The following KCNK2 variants were observed in gnomAD, a reference collection of about 807,000 sequenced individuals.
The protein encoded by KCNK2 is potassium channel subfamily K member 2.
KCNK2 carries 21 observed loss-of-function variants against 40.5 expected under a neutral mutation model. The ratio of observed to expected loss-of-function variants is 0.52; its 90% confidence interval spans 0.37 to 0.75. KCNK2 has a LOEUF of 0.75. Among genes scored for constraint, KCNK2 ranks in the 30% least tolerant of loss-of-function variants. The pLI is 0.00. For missense variants in KCNK2, 399 were observed against 531.6 expected, an observed-to-expected ratio of 0.75 and a Z score of 2.45; for synonymous variants, 191 against 202.2, an observed-to-expected ratio of 0.94 and a Z score of 0.47.
chr1:215,215,058 A>G (rs1315516995), intron 6 of KCNK2, among the ~76,000 whole-genome samples: 1 of 152,196 alleles, frequency 6.6e-6, no homozygotes, highest in African/African-American at 2.4e-5. Flanking sequence ...CTAGTGAGAG[A>G]GAAACCTGGG....
chr1:215,043,264 G>A (rs1299208714), intron 1 of KCNK2, among the ~76,000 whole-genome samples: 1 of 152,100 alleles, frequency 6.6e-6, no homozygotes, highest in Non-Finnish European at 1.5e-5. Flanking sequence ...CTATACATAG[G>A]ATTACCATTG....
At chr1:215,118,496 T>C (rs892529246) in intron 2 of KCNK2, among the ~76,000 whole-genome samples, 1 of 152,132 alleles carries the variant, frequency 6.6e-6, no homozygotes, top group Non-Finnish European at 1.5e-5. Flanking sequence ...GGATGTGTGA[T>C]TGGATTCGTT....
intron 3 of KCNK2, among the ~76,000 whole-genome samples, chr1:215,165,211 A>G (rs1315048257): frequency 5.9e-5 from 9 of 152,196 alleles, no homozygotes; most frequent in African/African-American, 2.2e-4. Flanking sequence ...GCCTTGAAGC[A>G]TCAGAATAGG....
chr1:215,070,732 G>C (rs2102515147), intron 1 of KCNK2, among the ~76,000 whole-genome samples: 1 of 152,258 alleles, frequency 6.6e-6, no homozygotes, highest in East Asian at 1.9e-4. Flanking sequence ...TTTGAGTAGA[G>C]ACACAGACAA....
intron 1 of KCNK2, among the ~76,000 whole-genome samples, chr1:215,011,576 G>C (rs2102470718): frequency 6.6e-6 from 1 of 152,146 alleles, no homozygotes; most frequent in South Asian, 2.1e-4. Flanking sequence ...ACAGGCGTGA[G>C]TCACCATGCC....
At chr1:215,053,585 C>A (rs1425306928) in intron 1 of KCNK2, among the ~76,000 whole-genome samples, 1 of 152,124 alleles carries the variant, frequency 6.6e-6, no homozygotes, top group Non-Finnish European at 1.5e-5. Flanking sequence ...TGCTTGAACT[C>A]AAATCACAAT....
At chr1:215,067,529 G>A (rs1658600099) in intron 1 of KCNK2, among the ~76,000 whole-genome samples, 1 of 152,056 alleles carries the variant, frequency 6.6e-6, no homozygotes, top group Non-Finnish European at 1.5e-5. Context: ...GACTCTATAA[G>A]GACCCTTTCC....
chr1:215,108,120 C>T (rs942500715), intron 2 of KCNK2, among the ~76,000 whole-genome samples: 1 of 152,050 alleles, frequency 6.6e-6, no homozygotes, highest in African/African-American at 2.4e-5. Context: ...GTTTGAGCTC[C>T]TGTGAGAATC....
At chr1:215,149,126 T>G (rs905627537) in intron 3 of KCNK2, among the ~76,000 whole-genome samples, 1 of 152,126 alleles carries the variant, frequency 6.6e-6, no homozygotes, top group African/African-American at 2.4e-5. Context: ...GAGATGGATT[T>G]GTGTGAGAAA....
chr1:215,135,462 A>G (rs1661863574), intron 3 of KCNK2, among the ~76,000 whole-genome samples: 1 of 151,976 alleles, frequency 6.6e-6, no homozygotes, highest in Non-Finnish European at 1.5e-5. Flanking sequence ...TTATTTTATT[A>G]TTAGTGTAAG....
At chr1:215,176,044 T>G (rs1438842848) in intron 5 of KCNK2, among the ~76,000 whole-genome samples, 1 of 152,182 alleles carries the variant, frequency 6.6e-6, no homozygotes, top group Non-Finnish European at 1.5e-5. Flanking sequence ...ACGGTAGTTC[T>G]GTTTTAGTTC....
intron 6 of KCNK2, among the ~76,000 whole-genome samples, chr1:215,198,415 A>G (rs1024463205): frequency 6.6e-6 from 1 of 152,350 alleles, no homozygotes. Flanking sequence ...GAGAATGTGA[A>G]GAAAGACAGG....
At chr1:215,095,874 A>T (rs934592139) in intron 2 of KCNK2, among the ~76,000 whole-genome samples, 2 of 152,072 alleles carry the variant, frequency 1.3e-5, no homozygotes, top group African/African-American at 4.8e-5. Context: ...TACTCATGGT[A>T]AACTGAGCAC....
intron 2 of KCNK2, among the ~76,000 whole-genome samples, chr1:215,121,256 C>G (rs1338181629): frequency 2.0e-5 from 3 of 152,082 alleles, no homozygotes; most frequent in African/African-American, 7.2e-5. Flanking sequence ...GTCCTCAAGA[C>G]CCCCTCAGAG....
At chr1:215,230,092 TAC>T (rs59050433) in intron 6 of KCNK2, among the ~76,000 whole-genome samples, 33,355 of 140,954 alleles carry the variant, frequency 0.24, 4,524 homozygotes, top group South Asian at 0.43. Flanking sequence ...TGTGTGTGTA[TAC>T]ACACACACAC....
chr1:215,087,543 CTT>C (rs1346736991), intron 2 of KCNK2, among the ~76,000 whole-genome samples: 1 of 152,234 alleles, frequency 6.6e-6, no homozygotes, highest in East Asian at 1.9e-4. Flanking sequence ...AAGAAGAAAA[CTT>C]TAGAATTTTC....
intron 1 of KCNK2, among the ~76,000 whole-genome samples, chr1:215,013,812 T>A (rs545499756): frequency 3.9e-5 from 6 of 152,262 alleles, no homozygotes; most frequent in South Asian, 4.1e-4. Flanking sequence ...TTCTAGAAGG[T>A]TTTTGGAAAA....
chr1:215,130,892 G>C (rs1011662482), intron 3 of KCNK2, among the ~76,000 whole-genome samples: 3 of 151,384 alleles, frequency 2.0e-5, no homozygotes, highest in South Asian at 2.1e-4. Context: ...ACGGAGTCCC[G>C]CTCTTTAGCC....
chr1:215,132,051 T>C (rs1485654505), intron 3 of KCNK2, among the ~76,000 whole-genome samples: 1 of 152,204 alleles, frequency 6.6e-6, no homozygotes, highest in Admixed American at 6.5e-5. Flanking sequence ...ATTAAAAGTT[T>C]GCAGTAATTT....
Sources: gnomAD v4.1 joint callset for allele counts (sites outside exome capture counted in the v4.1 genomes callset) on GRCh38, gnomAD v4.1.1 for gene constraint, MANE v1.5 for transcripts, NCBI Gene and HGNC (gene_info 2026-07-23, HGNC 2026-07-21) for gene names.